EXT1: variants seen among roughly 807,000 people sequenced by gnomAD.
EXT1 encodes exostosin-1.
A neutral mutation model predicts 82.5 loss-of-function variants in EXT1; 20 were observed. The ratio of observed to expected loss-of-function variants is 0.24; its 90% confidence interval spans 0.17 to 0.35. The LOEUF (loss-of-function observed/expected upper bound fraction) is 0.35, where lower values mean the gene tolerates loss of function less well. Ranked by LOEUF, EXT1 falls within the 10% of genes least tolerant of loss-of-function variation. The pLI, the probability that EXT1 is intolerant of heterozygous loss-of-function variation, is 1.00. For missense variants in EXT1, 757 were observed against 936.5 expected, an observed-to-expected ratio of 0.81 and a Z score of 2.50; for synonymous variants, 348 against 350.8, an observed-to-expected ratio of 0.99 and a Z score of 0.09.
chr8:117,892,507 AC>A (rs201463348), intron 1 of EXT1, among the ~76,000 whole-genome samples: 1,737 of 152,306 alleles, frequency 0.011, 17 homozygotes, highest in Non-Finnish European at 0.021. Flanking sequence ...GCATCAAACT[AC>A]AGAACCCTGT....
At chr8:117,837,288 A>G in intron 1 of EXT1, 87 bp from the exon 2 acceptor site, 1 of 1,108,860 alleles carries the variant, frequency 9.0e-7, no homozygotes, top group Non-Finnish European at 1.4e-6. Flanking sequence ...ATGTGCATGA[A>G]TTTACGCAAA....
chr8:117,986,706 C>T (rs759448835), intron 1 of EXT1, among the ~76,000 whole-genome samples: 4 of 152,048 alleles, frequency 2.6e-5, no homozygotes, highest in Non-Finnish European at 5.9e-5. Context: ...AAAAACATAC[C>T]GGACCACTTC....
intron 1 of EXT1, among the ~76,000 whole-genome samples, chr8:117,857,529 T>G (rs557337707): frequency 5.8e-5 from 6 of 103,644 alleles, no homozygotes; most frequent in South Asian, 7.3e-4. Context: ...ACGGCAAGAC[T>G]TCCCCCCGCC....
rs774425294 is a variant in EXT1 at position 117,867,260 on chromosome 8, G to GGAAAAAAAAA, written c.963-30060_963-30059insTTTTTTTTTC. On this transcript the variant is annotated intron_variant, in intron 1 of 10. Coordinates refer to ENST00000378204, the MANE Select transcript of EXT1 (RefSeq NM_000127.3). ...GGCGACAGAGTGAGACTCCACCTCA[G>GGAAAAAAAAA]AAAAAAAAAAAAAGCTTGAGGAAAT... 2.8e-3 allele frequency among the ~76,000 whole-genome samples: 272 copies of GGAAAAAAAAA among 98,882 alleles called. 9 individuals carry two copies. The highest frequency in any genetic ancestry group is 9.7e-3 in the African/African-American group (240 of 24,748). The allele number at this position is 98,882 out of a possible 152,430, so 64.9% of individuals were successfully genotyped here.
chr8:118,032,025 C>T (rs1224276901), intron 1 of EXT1, among the ~76,000 whole-genome samples: 1 of 151,726 alleles, frequency 6.6e-6, no homozygotes, highest in South Asian at 2.1e-4. Context: ...TGAAGTGCCA[C>T]ACCCTTGCAG....
intron 1 of EXT1, among the ~76,000 whole-genome samples, chr8:118,049,628 T>C (rs1025778626): frequency 5.9e-5 from 9 of 152,172 alleles, no homozygotes; most frequent in Non-Finnish European, 1.2e-4. Flanking sequence ...AAAAAAAATA[T>C]GTGTAACTTA....
chr8:117,930,103 CA>C (rs576886235), intron 1 of EXT1, among the ~76,000 whole-genome samples: 9,526 of 137,718 alleles, frequency 0.069, 719 homozygotes, highest in African/African-American at 0.2. Flanking sequence ...GACTCCATCT[CA>C]AAAAAAAAAA....
intron 1 of EXT1, among the ~76,000 whole-genome samples, chr8:117,927,209 A>ATC (rs1445273197): frequency 6.6e-6 from 1 of 152,236 alleles, no homozygotes; most frequent in African/African-American, 2.4e-5. Context: ...ATGAAGTGCC[A>ATC]ACTAGCAACA....
intron 1 of EXT1, among the ~76,000 whole-genome samples, chr8:117,922,265 C>T (rs920596304): frequency 5.9e-5 from 9 of 152,138 alleles, no homozygotes; most frequent in African/African-American, 2.2e-4. Flanking sequence ...TTAAAGAGGT[C>T]GATTAATTTT....
chr8:117,848,515 A>G (rs149453152), intron 1 of EXT1, among the ~76,000 whole-genome samples: 1 of 152,250 alleles, frequency 6.6e-6, no homozygotes, highest in East Asian at 1.9e-4. Flanking sequence ...AGAAAATTTA[A>G]GCACTGGATT....
chr8:118,002,821 T>C (rs1228907821), intron 1 of EXT1, among the ~76,000 whole-genome samples: 1 of 152,096 alleles, frequency 6.6e-6, no homozygotes, highest in Middle Eastern at 3.2e-3. Flanking sequence ...CGTGAGCCAC[T>C]GCACCCGGCC....
intron 1 of EXT1, among the ~76,000 whole-genome samples, chr8:118,007,501 G>A (rs1031091566): frequency 6.6e-6 from 1 of 152,212 alleles, no homozygotes; most frequent in Non-Finnish European, 1.5e-5. Flanking sequence ...AACAGTTAGT[G>A]CATGTGGGGC....
intron 1 of EXT1, among the ~76,000 whole-genome samples, chr8:118,013,300 C>G (rs114138751): frequency 0.024 from 3,612 of 152,234 alleles, 121 homozygotes; most frequent in African/African-American, 0.082. Flanking sequence ...TCTTCATTTT[C>G]TAGGTTTGAG....
rs114227333 is a variant in EXT1 at position 117,839,683 on chromosome 8, C to G, written c.963-2482G>C. Among the ~76,000 whole-genome samples, 950 of 152,338 alleles carry G rather than the reference C, an allele frequency of 6.2e-3. 10 individuals carry two copies. Among genetic ancestry groups the G allele is most frequent in the African/African-American group, 0.022 (910 of 41,568 alleles). Reference sequence around the variant, plus strand: ...TACCTGAAGGAAGAATGATGCCCCACAAGTGGGCAGACAACTATTCTAGTT... The same window carrying G: ...TACCTGAAGGAAGAATGATGCCCCAGAAGTGGGCAGACAACTATTCTAGTT... On this transcript the variant is annotated intron_variant, in intron 1 of 10. Transcript: ENST00000378204.
chr8:118,010,642 G>C (rs957322466), intron 1 of EXT1, among the ~76,000 whole-genome samples: 1 of 151,662 alleles, frequency 6.6e-6, no homozygotes, highest in African/African-American at 2.4e-5. Context: ...GGTCCTTTAG[G>C]AGCATGTTTA....
At chr8:117,880,618 T>G (rs1263603247) in intron 1 of EXT1, among the ~76,000 whole-genome samples, 3 of 148,146 alleles carry the variant, frequency 2.0e-5, no homozygotes, top group South Asian at 2.1e-4. Context: ...TGAGACAGAG[T>G]GTTGCTCTGT....
chr8:117,892,096 T>C (rs772788412), intron 1 of EXT1, among the ~76,000 whole-genome samples: 2 of 152,164 alleles, frequency 1.3e-5, no homozygotes, highest in African/African-American at 2.4e-5. Context: ...TGAGCCACCG[T>C]GCCCATTCAA....
intron 1 of EXT1, among the ~76,000 whole-genome samples, chr8:117,962,480 C>T (rs1281529302): frequency 6.6e-6 from 1 of 152,024 alleles, no homozygotes. Context: ...TGGCTGGGCA[C>T]AGTGGCTCAT....
rs746619623 is a variant in EXT1 at position 118,110,582 on chromosome 8, G to A, written c.465C>T (p.Val155=). 2.5e-6 allele frequency: 4 copies of A among 1,614,058 alleles called. No individual in the cohort carries two copies. In the African/African-American group the frequency reaches 4.0e-5, roughly 16 times the overall value. Residue 155 remains valine, a synonymous_variant, in exon 1 of 11, where the codon GTC becomes GTT. Coordinates refer to ENST00000378204, the MANE Select transcript of EXT1 (RefSeq NM_000127.3). ...CTCTGTCTAAAGTATCCAGACTCAGGACAAAGAGGCACGCCTGGCTGGGGT... is the reference window on the plus strand; with the variant it reads ...CTCTGTCTAAAGTATCCAGACTCAGAACAAAGAGGCACGCCTGGCTGGGGT... The part of the protein sequence containing the change: ...TSDPSQACLF[V]LSLDTLDRDQ...
Sources: gnomAD v4.1 joint callset for allele counts (sites outside exome capture counted in the v4.1 genomes callset) on GRCh38, gnomAD v4.1.1 for gene constraint, MANE v1.5 for transcripts, NCBI Gene and HGNC (gene_info 2026-07-23, HGNC 2026-07-21) for gene names.